UBA6: variants seen among roughly 807,000 people sequenced by gnomAD.
The protein encoded by UBA6 is ubiquitin like modifier activating enzyme 6, also known as ubiquitin-like modifier-activating enzyme 6.
Under a neutral mutation model 148.3 loss-of-function variants are expected in UBA6, and 87 were observed. That is an observed-to-expected ratio of 0.59 (90% CI 0.49 to 0.70). UBA6 has a LOEUF of 0.70. Among genes scored for constraint, UBA6 ranks in the 30% least tolerant of loss-of-function variants. The pLI is 0.00. For missense variants in UBA6, 1,186 were observed against 1,241.2 expected (o/e 0.96, Z 0.67); for synonymous variants, 376 against 401.0 (o/e 0.94, Z 0.75).
At position 67,613,556 on chromosome 4, in the gene UBA6, C is replaced by A. The variant is rs1378496858; in HGVS notation, c.*5441G>T. On this transcript the variant is annotated 3_prime_UTR_variant, in exon 33 of 33. Transcript: ENST00000322244. ...CAAGGGGCTGAGAATAACCAAGATACTCTAAAAGAACAATAAGTTGGGAGG... is the reference window on the plus strand; with the variant it reads ...CAAGGGGCTGAGAATAACCAAGATAATCTAAAAGAACAATAAGTTGGGAGG... 2 of 152,060 alleles carry A rather than the reference C, an allele frequency of 1.3e-5. No homozygotes were observed. Among genetic ancestry groups the A allele is most frequent in the Non-Finnish European group, 2.9e-5 (2 of 68,022 alleles). The allele number at this position is 152,060 out of a possible 1,614,324, so 9.4% of individuals were successfully genotyped here. A position where few individuals can be genotyped will look rare whatever the true frequency, so the allele number is the denominator to read the frequency against.
At chr4:67,632,841 A>G (rs560388219) in intron 23 of UBA6, among the ~76,000 whole-genome samples, 1 of 152,096 alleles carries the variant, frequency 6.6e-6, no homozygotes, top group East Asian at 1.9e-4. Context: ...TTTTTTTTAA[A>G]GTTGTTTCTA....
intron 16 of UBA6, 57 bp downstream of exon 16, chr4:67,645,881 T>TAA: frequency 1.1e-5 from 12 of 1,090,676 alleles, no homozygotes; most frequent in Non-Finnish European, 1.6e-5. Flanking sequence ...TTTAATGAAT[T>TAA]AAGTTGATAT....
chr4:67,681,315 AATAAGGAATGGGAAGAAGAT>A (rs1406285162), intron 4 of UBA6, among the ~76,000 whole-genome samples: 3 of 152,186 alleles, frequency 2.0e-5, no homozygotes, highest in Non-Finnish European at 4.4e-5. Context: ...AGTTGGGGGC[AATAAGGAATGGGAAGAAGAT>A]ATATGAAACA....
intron 14 of UBA6, among the ~76,000 whole-genome samples, chr4:67,647,679 ACT>A (rs869307131): frequency 2.1e-5 from 3 of 141,680 alleles, no homozygotes; most frequent in African/African-American, 5.1e-5. Context: ...CATTTAAGTA[ACT>A]TGTGTGGCTA....
Position 67,617,841 on chromosome 4 carries a change from T to G in UBA6, c.*1156A>C, listed in dbSNP as rs1728661574. On this transcript the variant is annotated 3_prime_UTR_variant, in exon 33 of 33. Transcript: ENST00000322244. ...GACAGTCTTAGTAATAAAAGAATCA[T>G]TTACTATTTTCACTGAGTTTACAGT... is the stretch of plus-strand genomic sequence containing the variant. 6.6e-6 allele frequency: 1 copy of G among 151,992 alleles called. No homozygotes were observed. Among genetic ancestry groups the G allele is most frequent in the African/African-American group, 2.4e-5 (1 of 41,432 alleles). 9.4% of individuals were successfully genotyped at this position (151,992 alleles called of 1,614,324 possible).
intron 13 of UBA6, among the ~76,000 whole-genome samples, chr4:67,655,297 A>T (rs1729659114): frequency 6.6e-6 from 1 of 152,140 alleles, no homozygotes; most frequent in South Asian, 2.1e-4. Flanking sequence ...GAAGTAAAAC[A>T]CTCCTCAGCA....
intron 17 of UBA6, among the ~76,000 whole-genome samples, chr4:67,642,831 TC>T (rs1729338793): frequency 6.6e-6 from 1 of 152,060 alleles, no homozygotes; most frequent in African/African-American, 2.4e-5. Flanking sequence ...TTGCTTCTTC[TC>T]CCTTATCTTT....
rs762934764 is a variant in UBA6 at position 67,618,951 on chromosome 4, C to A, written c.*46G>T. On this transcript the variant is annotated 3_prime_UTR_variant, in exon 33 of 33. Coordinates refer to ENST00000322244, the MANE Select transcript of UBA6 (RefSeq NM_018227.6). Reference sequence around the variant, plus strand: ...CTTTAGCTTCTGAATTAAGTGCACTCTTTCCAAAATCAAGTGGTCCTGGAG... The same window carrying A: ...CTTTAGCTTCTGAATTAAGTGCACTATTTCCAAAATCAAGTGGTCCTGGAG... 6.3e-7 allele frequency: 1 copy of A among 1,585,452 alleles called. No individual in the cohort carries two copies. The highest frequency in any genetic ancestry group is 1.2e-5 in the South Asian group (1 of 86,334).
In UBA6 at chr4:67,648,937, C is replaced by T. The variant is rs6858851; in HGVS notation, c.1248+131G>A. The T allele has an allele frequency of 1.6e-4, 141 of 907,704 alleles. No individual in the cohort carries two copies. The African/African-American group carries it at 2.3e-3, about 14-fold the overall frequency. The allele number at this position is 907,704 out of a possible 1,614,324, so 56.2% of individuals were successfully genotyped here. On this transcript the variant is annotated intron_variant, in intron 14 of 32. Coordinates refer to ENST00000322244, the MANE Select transcript of UBA6 (RefSeq NM_018227.6). ...CATAGAATCAAGTGTTGGAGGCATACTGCTTGCATCTCTTTCATGCATCAA... is the reference window on the plus strand; with the variant it reads ...CATAGAATCAAGTGTTGGAGGCATATTGCTTGCATCTCTTTCATGCATCAA...
At chr4:67,671,642 C>T (rs776975513) in intron 7 of UBA6, among the ~76,000 whole-genome samples, 4 of 152,056 alleles carry the variant, frequency 2.6e-5, no homozygotes, top group Admixed American at 2.0e-4. Context: ...AACCACAACA[C>T]GAATGCTCTA....
chr4:67,634,248 G>C lies in UBA6; in HGVS notation c.2007C>G (p.Val669=). 1 of 1,584,578 alleles carries C rather than the reference G, an allele frequency of 6.3e-7. No individual in the cohort carries two copies. The highest frequency in any genetic ancestry group is 8.5e-7 in the Non-Finnish European group (1 of 1,170,766). ...AAAATTTACTGATTTTTACCTGTAA[G>C]ACTTCTTCTGCAGATGAATAGGTTT... is the stretch of plus-strand genomic sequence containing the variant. ...FWQTYSSAEE[V]LQKIQSGHSL... is the part of the protein sequence containing the mutation. The change falls in exon 22 of 33, where the codon GTC becomes GTG. Residue 669 remains valine, a synonymous_variant. Transcript: ENST00000322244.
intron 6 of UBA6, 112 bp downstream of exon 6, chr4:67,677,499 T>G: frequency 2.0e-6 from 1 of 496,376 alleles, no homozygotes; most frequent in South Asian, 3.7e-5. Context: ...TACCTTGAAA[T>G]TTTTTTGTTC....
intron 4 of UBA6, among the ~76,000 whole-genome samples, chr4:67,680,703 A>G (rs1221464960): frequency 6.6e-6 from 1 of 152,176 alleles, no homozygotes; most frequent in Non-Finnish European, 1.5e-5. Flanking sequence ...GTGATCTCCC[A>G]CCTTGAGTGT....
intron 6 of UBA6, among the ~76,000 whole-genome samples, chr4:67,674,073 G>C (rs1730217968): frequency 6.6e-6 from 1 of 152,150 alleles, no homozygotes; most frequent in African/African-American, 2.4e-5. Context: ...GACTCTAAGT[G>C]ATTAGATTTG....
At chr4:67,648,955 T>C (rs955087462) in intron 14 of UBA6, 113 bp downstream of exon 14, 2 of 1,086,116 alleles carry the variant, frequency 1.8e-6, no homozygotes, top group African/African-American at 1.6e-5. Context: ...ATCTCTTTCA[T>C]GCATCAAAAA....
At chr4:67,675,092 A>G (rs1454282750) in intron 6 of UBA6, among the ~76,000 whole-genome samples, 1 of 151,864 alleles carries the variant, frequency 6.6e-6, no homozygotes, top group African/African-American at 2.4e-5. Flanking sequence ...CTGGTCTCGA[A>G]CTCCTGACCT....
intron 14 of UBA6, among the ~76,000 whole-genome samples, chr4:67,647,537 T>C (rs1475263947): frequency 6.6e-6 from 1 of 152,234 alleles, no homozygotes; most frequent in South Asian, 2.1e-4. Flanking sequence ...ACTATGTGTA[T>C]GTGTATGTCA....
rs1729298663 is a variant in UBA6 at position 67,641,228 on chromosome 4, T to C, written c.1477A>G (p.Ile493Val). The C allele has an allele frequency of 1.3e-6, 2 of 1,559,270 alleles. No individual in the cohort carries two copies. The highest frequency in any genetic ancestry group is 1.9e-5 in the Admixed American group (1 of 53,394). ...GVGTSKEKGM[I>V]TVTDPDLIEK... is the part of the protein sequence containing the mutation. ...ATCAAGTCAGGATCTGTAACTGTAA[T>C]CTAATATCAAGAAAATATGGCTGAA... The change falls in exon 18 of 33, where the codon ATT becomes GTT. Residue 493 changes from isoleucine (I) to valine (V), a missense_variant and splice_region_variant. Coordinates refer to ENST00000322244, the MANE Select transcript of UBA6 (RefSeq NM_018227.6).
chr4:67,616,337 GAAC>G lies in UBA6; in HGVS notation c.*2657_*2659del, dbSNP rs1728626075. On this transcript the variant is annotated 3_prime_UTR_variant, in exon 33 of 33. Transcript: ENST00000322244. The stretch of plus-strand genomic sequence containing the variant: ...TTTTTTTTCCCTAAAAATTTCAAAA[GAAC>G]AATTTTCTATCTTCATTTTACTAAT... 2 of 373,916 alleles carry G rather than the reference GAAC, an allele frequency of 5.3e-6. No homozygotes were observed. The highest frequency in any genetic ancestry group is 2.1e-5 in the African/African-American group (1 of 47,888). 23.2% of individuals were successfully genotyped at this position (373,916 alleles called of 1,614,324 possible). A position where few individuals can be genotyped will look rare whatever the true frequency, so the allele number is the denominator to read the frequency against.
Sources: gnomAD v4.1 joint callset for allele counts (sites outside exome capture counted in the v4.1 genomes callset) on GRCh38, gnomAD v4.1.1 for gene constraint, MANE v1.5 for transcripts, NCBI Gene and HGNC (gene_info 2026-07-23, HGNC 2026-07-21) for gene names.